The following SFMBT1 variants were observed in gnomAD, a reference collection of about 807,000 sequenced individuals.
SFMBT1 encodes scm-like with four MBT domains protein 1.
A neutral mutation model predicts 108.7 loss-of-function variants in SFMBT1; 32 were observed. The observed-to-expected ratio is 0.29, with a 90% CI of 0.22 to 0.40. SFMBT1 has a LOEUF of 0.40. Ranked by LOEUF, SFMBT1 falls within the 10% of genes least tolerant of loss-of-function variation. SFMBT1 has a pLI of 1.00. For synonymous variants in SFMBT1, 348 were observed against 369.5 expected, an observed-to-expected ratio of 0.94 and a Z score of 0.67; for missense variants, 816 against 1,059.6, an observed-to-expected ratio of 0.77 and a Z score of 3.19.
At chr3:53,000,058 T>C (rs547088843) in intron 1 of SFMBT1, among the ~76,000 whole-genome samples, 4 of 149,916 alleles carry the variant, frequency 2.7e-5, no homozygotes, top group Non-Finnish European at 4.5e-5. Context: ...GAGACAGGGT[T>C]TCACCGTGTT....
chr3:52,930,282 A>G (rs1278594651), intron 8 of SFMBT1, 47 bp downstream of exon 8: 1 of 1,174,388 alleles, frequency 8.5e-7, no homozygotes, highest in Non-Finnish European at 1.3e-6. Flanking sequence ...TTCCTAAACC[A>G]GTCACCTTGA....
rs532853307 is a variant in SFMBT1 at position 52,995,471 on chromosome 3, C to G, written c.-130-26213G>C. Among the ~76,000 whole-genome samples, 86 of 150,344 alleles carry G rather than the reference C, an allele frequency of 5.7e-4. 7 individuals carry two copies. The highest frequency in any genetic ancestry group is 1.1e-3 in the Non-Finnish European group (73 of 67,036). On this transcript the variant is annotated intron_variant, in intron 1 of 20. Coordinates refer to ENST00000394752, the MANE Select transcript of SFMBT1 (RefSeq NM_016329.4). ...TGGGCACGATCACTGCTCACTGCAG[C>G]CTTGACCTCCTGGGCTCAAATAATC...
chr3:53,027,870 ATTTT>A (rs1450607737), intron 1 of SFMBT1, among the ~76,000 whole-genome samples: 2 of 152,164 alleles, frequency 1.3e-5, no homozygotes, highest in African/African-American at 4.8e-5. Flanking sequence ...GAGGTTGCAA[ATTTT>A]TTTGTGTGAA....
intron 1 of SFMBT1, among the ~76,000 whole-genome samples, chr3:52,981,586 G>A (rs1048365670): frequency 2.7e-5 from 4 of 147,070 alleles, no homozygotes; most frequent in Non-Finnish European, 5.9e-5. Context: ...ACTACATTGA[G>A]CAGACTAGTC....
chr3:52,915,437 C>T (rs546717021), intron 14 of SFMBT1, among the ~76,000 whole-genome samples: 11 of 152,320 alleles, frequency 7.2e-5, no homozygotes, highest in African/African-American at 2.4e-4. Context: ...GACGGAAGTA[C>T]GGGTTTCTAA....
intron 3 of SFMBT1, 84 bp from the exon 4 acceptor site, chr3:52,943,677 A>G (rs1003615113): frequency 8.2e-5 from 127 of 1,550,262 alleles, no homozygotes; most frequent in Non-Finnish European, 1.1e-4. Flanking sequence ...AAGACTTACA[A>G]TTCCGAAGCA....
intron 1 of SFMBT1, among the ~76,000 whole-genome samples, chr3:53,024,804 C>G (rs1350830572): frequency 6.6e-6 from 1 of 152,056 alleles, no homozygotes; most frequent in Admixed American, 6.6e-5. Flanking sequence ...GGGACTCCTA[C>G]CAGGTGTAAG....
Position 52,988,079 on chromosome 3 carries a change from G to C in SFMBT1, c.-130-18821C>G, listed in dbSNP as rs145248926. On this transcript the variant is annotated intron_variant, in intron 1 of 20. Transcript: ENST00000394752. ...GAGTAACAGGCTCTGCCTCAACCCAGAAGAGAGCTGAGGGGAAGTTATAGT... is the reference window on the plus strand; with the variant it reads ...GAGTAACAGGCTCTGCCTCAACCCACAAGAGAGCTGAGGGGAAGTTATAGT... 3.6e-3 allele frequency among the ~76,000 whole-genome samples: 555 copies of C among 152,348 alleles called. 2 individuals carry two copies. The highest frequency in any genetic ancestry group is 0.015 in the South Asian group (74 of 4,834).
intron 4 of SFMBT1, among the ~76,000 whole-genome samples, chr3:52,942,714 C>T (rs1344771198): frequency 6.6e-6 from 1 of 152,190 alleles, no homozygotes; most frequent in Non-Finnish European, 1.5e-5. Context: ...GGGGTTTTGC[C>T]ATGTTGGCCA....
chr3:52,965,325 T>TAA (rs11399843), intron 2 of SFMBT1, among the ~76,000 whole-genome samples: 175 of 143,594 alleles, frequency 1.2e-3, no homozygotes, highest in African/African-American at 2.1e-3. Flanking sequence ...GAGAAAACAT[T>TAA]AAAAAAAAAA....
intron 2 of SFMBT1, among the ~76,000 whole-genome samples, chr3:52,956,703 GT>G (rs1268716698): frequency 1.3e-5 from 2 of 152,166 alleles, no homozygotes; most frequent in African/African-American, 4.8e-5. Flanking sequence ...GGAGGTTGCC[GT>G]GAGCCGAGGT....
chr3:52,988,060 C>G (rs2581823), intron 1 of SFMBT1, among the ~76,000 whole-genome samples: 105,002 of 152,054 alleles, frequency 0.69, 36,859 homozygotes, highest in South Asian at 0.87. Context: ...AACGGAGTAA[C>G]AGGCTCTGCC....
intron 17 of SFMBT1, among the ~76,000 whole-genome samples, chr3:52,908,560 A>T (rs1702135354): frequency 6.6e-6 from 1 of 151,942 alleles, no homozygotes; most frequent in African/African-American, 2.4e-5. Flanking sequence ...CTATTTCTGG[A>T]CCCTGTGGTC....
chr3:52,969,211 G>A lies in SFMBT1; in HGVS notation c.-83C>T, dbSNP rs142657002. 1.3e-6 allele frequency: 2 copies of A among 1,593,450 alleles called. No individual in the cohort carries two copies. The highest frequency in any genetic ancestry group is 2.2e-5 in the East Asian group (1 of 44,716). ...TGCTAGGATCTGAAGATTACTTGCAGGTTTCAAGCATCTGTTCAATGGGTA... is the reference window on the plus strand; with the variant it reads ...TGCTAGGATCTGAAGATTACTTGCAAGTTTCAAGCATCTGTTCAATGGGTA... On this transcript the variant is annotated 5_prime_UTR_variant, in exon 2 of 21. Coordinates refer to ENST00000394752, the MANE Select transcript of SFMBT1 (RefSeq NM_016329.4).
chr3:52,930,454 G>A (rs1383249862), intron 7 of SFMBT1, 24 bp from the exon 8 acceptor site: 7 of 1,307,600 alleles, frequency 5.4e-6, no homozygotes, highest in Non-Finnish European at 6.7e-6. Context: ...ACCAAAAGGG[G>A]ATGAAAACAT....
intron 1 of SFMBT1, among the ~76,000 whole-genome samples, chr3:53,041,868 A>T (rs1700068513): frequency 6.6e-6 from 1 of 152,162 alleles, no homozygotes; most frequent in Non-Finnish European, 1.5e-5. Flanking sequence ...ATAACTATGT[A>T]TATACAGAAA....
chr3:52,975,220 C>G (rs922210507), intron 1 of SFMBT1, among the ~76,000 whole-genome samples: 4 of 152,180 alleles, frequency 2.6e-5, no homozygotes, highest in Non-Finnish European at 5.9e-5. Flanking sequence ...TTTTGGACAA[C>G]AATGAGAAAT....
chr3:52,951,055 G>T (rs1212177036), intron 3 of SFMBT1, among the ~76,000 whole-genome samples: 1 of 144,642 alleles, frequency 6.9e-6, no homozygotes, highest in Non-Finnish European at 1.5e-5. Context: ...GCCTGAAGCT[G>T]CAGTGAGCTA....
intron 1 of SFMBT1, among the ~76,000 whole-genome samples, chr3:53,042,556 C>T (rs1700091472): frequency 1.3e-5 from 2 of 152,090 alleles, no homozygotes; most frequent in Non-Finnish European, 2.9e-5. Flanking sequence ...TTCATCCAGG[C>T]TGGCCTCGAA....
Sources: allele counts gnomAD v4.1 joint callset (sites outside exome capture counted in the v4.1 genomes callset), GRCh38; gene constraint gnomAD v4.1.1; transcripts MANE v1.5; gene names NCBI Gene and HGNC (gene_info 2026-07-23, HGNC 2026-07-21).